FAM13B: variants seen among roughly 807,000 people sequenced by gnomAD.
The protein encoded by FAM13B is protein FAM13B.
FAM13B carries 60 observed loss-of-function variants against 117.3 expected under a neutral mutation model. The observed-to-expected ratio is 0.51, with a 90% CI of 0.42 to 0.63. The LOEUF is 0.63. Among genes scored for constraint, FAM13B ranks in the 30% least tolerant of loss-of-function variants. The pLI is 0.00. For missense variants in FAM13B, 972 were observed against 1,091.9 expected (o/e 0.89, Z 1.55); for synonymous variants, 332 against 356.1 (o/e 0.93, Z 0.76).
At chr5:138,017,240 G>A (rs975925106) in intron 4 of FAM13B, among the ~76,000 whole-genome samples, 6 of 152,144 alleles carry the variant, frequency 3.9e-5, no homozygotes, top group Non-Finnish European at 8.8e-5. Flanking sequence ...GTCACAGAAC[G>A]TCTTTGCATT....
At chr5:138,041,164 A>C (rs993608363) in intron 1 of FAM13B, among the ~76,000 whole-genome samples, 2 of 152,184 alleles carry the variant, frequency 1.3e-5, no homozygotes, top group Non-Finnish European at 2.9e-5. Context: ...AAGCCAAATG[A>C]TACTGCAGCG....
chr5:137,983,342 G>T (rs1776362165), intron 10 of FAM13B, among the ~76,000 whole-genome samples: 1 of 152,056 alleles, frequency 6.6e-6, no homozygotes, highest in African/African-American at 2.4e-5. Flanking sequence ...ACTTGCAAAA[G>T]CTATTTCAGA....
chr5:138,024,107 C>T (rs1787526214), intron 1 of FAM13B, among the ~76,000 whole-genome samples: 1 of 152,074 alleles, frequency 6.6e-6, no homozygotes, highest in Non-Finnish European at 1.5e-5. Flanking sequence ...CATAAATATT[C>T]CCTTCACATC....
At chr5:137,991,285 T>A (rs941562514) in intron 7 of FAM13B, among the ~76,000 whole-genome samples, 2 of 152,248 alleles carry the variant, frequency 1.3e-5, no homozygotes, top group African/African-American at 4.8e-5. Flanking sequence ...TGTGAAATCA[T>A]TGGTGCTCAT....
chr5:138,008,415 T>C (rs1783081441), intron 6 of FAM13B, among the ~76,000 whole-genome samples: 1 of 152,080 alleles, frequency 6.6e-6, no homozygotes, highest in African/African-American at 2.4e-5. Context: ...GCACTCCAAC[T>C]TGGGTGACAG....
intron 10 of FAM13B, among the ~76,000 whole-genome samples, chr5:137,980,147 G>A (rs1047785868): frequency 9.9e-5 from 15 of 151,040 alleles, no homozygotes; most frequent in East Asian, 1.9e-4. Flanking sequence ...CACTCTAGCC[G>A]GGGCGACAAG....
At chr5:138,047,661 A>G (rs553927280) in intron 1 of FAM13B, among the ~76,000 whole-genome samples, 19 of 152,348 alleles carry the variant, frequency 1.2e-4, no homozygotes, top group African/African-American at 3.1e-4. Flanking sequence ...GGTGGGCCCA[A>G]TGTAATCACA....
Position 137,945,903 on chromosome 5 carries a change from A to G in FAM13B, c.2339T>C (p.Leu780Pro). The G allele has an allele frequency of 6.2e-7, 1 of 1,600,086 alleles. No homozygotes were observed. The highest frequency in any genetic ancestry group is 1.1e-5 in the South Asian group (1 of 88,590). The change falls in exon 20 of 24, where the codon CTT becomes CCT. Residue 780 changes from leucine (L) to proline (P), a missense_variant and splice_region_variant. By Grantham distance (98) the Leu-to-Pro change is moderately conservative. Transcript: ENST00000689681. ...AGAATTATTGCTTATTTTACTTACA[A>G]GGACAGGAGTGATGCTAGCTCTTGT... ...MLTRASITPV[L>P]GSPSTKRRGQ...
chr5:137,954,153 A>G lies in FAM13B; in HGVS notation c.1718+13T>C. The G allele has an allele frequency of 1.2e-6, 2 of 1,604,610 alleles. No individual in the cohort carries two copies. Among genetic ancestry groups the G allele is most frequent in the Non-Finnish European group, 1.7e-6 (2 of 1,172,114 alleles). Reference sequence around the variant, plus strand: ...TAGGAATTGCCTCTTGTAAGTACATAAAAATCATATACCTAGTAAAAGACA... The same window carrying G: ...TAGGAATTGCCTCTTGTAAGTACATGAAAATCATATACCTAGTAAAAGACA... On this transcript the variant is annotated intron_variant, in intron 15 of 23. Transcript: ENST00000689681.
upstream of FAM13B, chr5:138,036,832 G>T: frequency 3.0e-6 from 1 of 337,474 alleles, no homozygotes; most frequent in South Asian, 2.4e-5. Context: ...GGGACCATGT[G>T]TGCAGACATT....
chr5:137,986,770 A>G (rs1013065130), intron 9 of FAM13B, among the ~76,000 whole-genome samples: 1 of 152,240 alleles, frequency 6.6e-6, no homozygotes, highest in African/African-American at 2.4e-5. Context: ...TTGCTTATGA[A>G]AATTTTCAGA....
Position 137,939,905 on chromosome 5 carries a change from A to G in FAM13B, c.*320T>C. 7.5e-7 allele frequency: 1 copy of G among 1,327,560 alleles called. No homozygotes were observed. Among genetic ancestry groups the G allele is most frequent in the Non-Finnish European group, 9.6e-7 (1 of 1,039,210 alleles). 82.2% of individuals were successfully genotyped at this position (1,327,560 alleles called of 1,614,324 possible). On this transcript the variant is annotated 3_prime_UTR_variant, in exon 24 of 24. Coordinates refer to ENST00000689681, the MANE Select transcript of FAM13B (RefSeq NM_001385994.1). ...GTAATAACAAAAAGCTTGCATTTCCAAAGTTCTTGAAGTTGAAAGGATAAA... is the reference window on the plus strand; with the variant it reads ...GTAATAACAAAAAGCTTGCATTTCCGAAGTTCTTGAAGTTGAAAGGATAAA...
chr5:137,970,392 T>C (rs1466411839), intron 10 of FAM13B, among the ~76,000 whole-genome samples: 1 of 151,752 alleles, frequency 6.6e-6, no homozygotes, highest in African/African-American at 2.4e-5. Flanking sequence ...ATAAAATACT[T>C]TACAGACAAG....
exon 1 of FAM13B, chr5:138,051,910 G>A (rs1791810702): frequency 6.6e-6 from 1 of 152,162 alleles, no homozygotes; most frequent in Admixed American, 6.5e-5. Flanking sequence ...GTCCCTTTCA[G>A]TCGGCAAGTA....
intron 10 of FAM13B, among the ~76,000 whole-genome samples, chr5:137,971,859 T>G (rs886611932): frequency 1.3e-4 from 20 of 152,206 alleles, no homozygotes; most frequent in African/African-American, 4.6e-4. Context: ...CTAGAAAATC[T>G]AGAAGAAATG....
intron 8 of FAM13B, 42 bp from the exon 9 acceptor site, chr5:137,987,658 T>A: frequency 6.4e-7 from 1 of 1,563,408 alleles, no homozygotes; most frequent in Non-Finnish European, 8.7e-7. Context: ...TCACTCTAAC[T>A]GGATATCTGG....
intron 10 of FAM13B, among the ~76,000 whole-genome samples, chr5:137,965,559 C>T (rs1769456666): frequency 6.6e-6 from 1 of 152,166 alleles, no homozygotes; most frequent in Non-Finnish European, 1.5e-5. Flanking sequence ...CTCAAGCATG[C>T]TAGTTACTTC....
intron 16 of FAM13B, among the ~76,000 whole-genome samples, chr5:137,953,131 T>C (rs1441970308): frequency 6.6e-6 from 1 of 152,194 alleles, no homozygotes; most frequent in Non-Finnish European, 1.5e-5. Flanking sequence ...AATATAAAGA[T>C]GCCACGGTGC....
intron 9 of FAM13B, among the ~76,000 whole-genome samples, chr5:137,985,737 T>C (rs1210873148): frequency 6.6e-6 from 1 of 152,234 alleles, no homozygotes; most frequent in Non-Finnish European, 1.5e-5. Flanking sequence ...AGTCCAGTAC[T>C]AGACACTACA....
Sources: gnomAD v4.1 joint callset for allele counts (sites outside exome capture counted in the v4.1 genomes callset) on GRCh38, gnomAD v4.1.1 for gene constraint, MANE v1.5 for transcripts, NCBI Gene and HGNC (gene_info 2026-07-23, HGNC 2026-07-21) for gene names.